The following CHAF1A variants were observed in gnomAD, a reference collection of about 807,000 sequenced individuals.
CHAF1A encodes the protein chromatin assembly factor 1 subunit A.
CHAF1A carries 5 observed loss-of-function variants against 93.2 expected under a neutral mutation model. The ratio of observed to expected loss-of-function variants is 0.05; its 90% CI spans 0.03 to 0.11. CHAF1A has a LOEUF of 0.11. CHAF1A is among the 10% of genes least tolerant of loss of function. The pLI is 1.00. For synonymous variants in CHAF1A, 504 were observed against 510.3 expected, an observed-to-expected ratio of 0.99 and a Z score of 0.17; for missense variants, 1,102 against 1,259.9, an observed-to-expected ratio of 0.87 and a Z score of 1.90.
chr19:4,429,649 T>C, intron 9 of CHAF1A, 43 bp downstream of exon 9: 1 of 1,614,040 alleles, frequency 6.2e-7, no homozygotes, highest in African/African-American at 1.3e-5. Flanking sequence ...ACCTCCTCAC[T>C]GTGCCCCTTT....
chr19:4,437,589 C>T (rs1418558770), intron 13 of CHAF1A, among the ~76,000 whole-genome samples: 1 of 152,072 alleles, frequency 6.6e-6, no homozygotes, highest in African/African-American at 2.4e-5. Context: ...TCTAGCGATC[C>T]TCTCTCCAGC....
At chr19:4,440,371 G>A (rs552686342) in intron 13 of CHAF1A, among the ~76,000 whole-genome samples, 7 of 151,704 alleles carry the variant, frequency 4.6e-5, no homozygotes, top group Admixed American at 4.6e-4. Context: ...ACTTTAGGAG[G>A]CCGAGGTGGA....
intron 14 of CHAF1A, among the ~76,000 whole-genome samples, chr19:4,442,609 G>A (rs962197077): frequency 2.0e-5 from 3 of 152,250 alleles, no homozygotes; most frequent in African/African-American, 7.2e-5. Context: ...GTCAGGGAAG[G>A]CTGCACTGAG....
chr19:4,426,167 CTTT>C (rs57040531), intron 7 of CHAF1A, among the ~76,000 whole-genome samples: 16 of 95,596 alleles, frequency 1.7e-4, no homozygotes, highest in African/African-American at 2.2e-4. Flanking sequence ...TGTTTACAGT[CTTT>C]TTTTTTTTTT....
At chr19:4,448,309 C>A, downstream of CHAF1A, 1 of 1,598,076 alleles carries the variant, frequency 6.3e-7, no homozygotes, top group Non-Finnish European at 8.5e-7. Flanking sequence ...AAAGGGGCCA[C>A]ACGCTCACTT....
intron 11 of CHAF1A, 69 bp downstream of exon 11, chr19:4,430,710 G>T: frequency 1.3e-6 from 2 of 1,547,562 alleles, no homozygotes; most frequent in South Asian, 2.2e-5. Flanking sequence ...TCAGTGGCCT[G>T]ACCTGGGAGG....
intron 13 of CHAF1A, among the ~76,000 whole-genome samples, chr19:4,434,346 T>C (rs1156955744): frequency 6.6e-6 from 1 of 152,160 alleles, no homozygotes; most frequent in Non-Finnish European, 1.5e-5. Context: ...ACCCTGTCTC[T>C]AAAAATAAAT....
chr19:4,429,468 C>A lies in CHAF1A; in HGVS notation c.1635C>A (p.Gly545=), dbSNP rs761379858. The change falls in exon 9 of 15, where the codon GGC becomes GGA. Residue 545 remains glycine, a synonymous_variant. Coordinates refer to ENST00000301280, the MANE Select transcript of CHAF1A (RefSeq NM_005483.3). ...TCGTCATCGTGGAGCGTGGGAAGGGCGACGGTGTTCCCGAGAGGAGGAAGT... is the reference window on the plus strand; with the variant it reads ...TCGTCATCGTGGAGCGTGGGAAGGGAGACGGTGTTCCCGAGAGGAGGAAGT... ...SDVVIVERGK[G]DGVPERRKFG... is the part of the protein sequence containing the mutation. 3.1e-6 allele frequency: 5 copies of A among 1,613,814 alleles called. No individual in the cohort carries two copies. The highest frequency in any genetic ancestry group is 1.3e-5 in the African/African-American group (1 of 74,834).
intron 5 of CHAF1A, among the ~76,000 whole-genome samples, chr19:4,423,054 A>G (rs1269438196): frequency 6.6e-6 from 1 of 152,110 alleles, no homozygotes; most frequent in Non-Finnish European, 1.5e-5. Flanking sequence ...TTCCCAACCA[A>G]CTTAGGCATT....
downstream of CHAF1A, among the ~76,000 whole-genome samples, chr19:4,443,826 G>C (rs912835122): frequency 2.6e-5 from 4 of 152,188 alleles, no homozygotes; most frequent in African/African-American, 9.6e-5. Context: ...GTCCGAGGGA[G>C]GACAGGCGAC....
chr19:4,445,696 C>T (rs912401560), downstream of CHAF1A: 10 of 1,569,934 alleles, frequency 6.4e-6, no homozygotes, highest in Admixed American at 3.5e-5. Context: ...CAGCGGGCAA[C>T]CTGGGCGCGG....
rs1299776146 is a variant in CHAF1A, at chr19:4,405,896, A to G, written c.53-16A>G. The G allele has an allele frequency of 1.2e-6, 2 of 1,611,216 alleles. No individual in the cohort carries two copies. The highest frequency in any genetic ancestry group is 1.3e-5 in the African/African-American group (1 of 74,974). On this transcript the variant is annotated splice_polypyrimidine_tract_variant and intron_variant, in intron 1 of 14. Coordinates refer to ENST00000301280, the MANE Select transcript of CHAF1A (RefSeq NM_005483.3). ...GCAGAATTTAACAGTTTACCCTTTG[A>G]CACTTTTATTTGCAGCCATGGATTG...
chr19:4,425,513 C>G (rs1336089629), intron 7 of CHAF1A, among the ~76,000 whole-genome samples: 1 of 152,078 alleles, frequency 6.6e-6, no homozygotes, highest in East Asian at 1.9e-4. Context: ...CTCAGCCTCC[C>G]TAATTTTATT....
At chr19:4,446,287 C>T, downstream of CHAF1A, 3 of 1,571,862 alleles carry the variant, frequency 1.9e-6, no homozygotes, top group Admixed American at 1.8e-5. Context: ...GCCCACCCTG[C>T]AGGAGGCAGC....
intron 6 of CHAF1A, 80 bp downstream of exon 6, chr19:4,423,475 G>A (rs922502994): frequency 1.4e-5 from 22 of 1,606,422 alleles, no homozygotes; most frequent in East Asian, 2.2e-5. Context: ...TGCCACAGCC[G>A]TCACCTAATA....
chr19:4,415,750 T>C (rs1973886321), intron 3 of CHAF1A, among the ~76,000 whole-genome samples: 1 of 152,092 alleles, frequency 6.6e-6, no homozygotes, highest in South Asian at 2.1e-4. Flanking sequence ...GGCTCGGCCT[T>C]TCCCTAAAGA....
chr19:4,433,343 A>G lies in CHAF1A; in HGVS notation c.2477A>G (p.Gln826Arg), dbSNP rs1974224000. The G allele has an allele frequency of 6.2e-7, 1 of 1,613,506 alleles. No homozygotes were observed. The highest frequency in any genetic ancestry group is 1.1e-5 in the South Asian group (1 of 91,076). Residue 826 changes from glutamine (Q) to arginine (R), a missense_variant, in exon 13 of 15, where the codon CAG becomes CGG. Coordinates refer to ENST00000301280, the MANE Select transcript of CHAF1A (RefSeq NM_005483.3). The surrounding 1 kb of genome is among the most constrained non-coding windows in gnomAD (Gnocchi z 5.6). ...MCWYVHPQVL[Q>R]SFQQEHLPVP... ...TGGTACGTGCACCCGCAGGTGCTAC[A>G]GAGCTTCCAGCAGGAGCACCTGCCC...
chr19:4,432,432 CAG>C (rs1974202566), intron 12 of CHAF1A, among the ~76,000 whole-genome samples: 1 of 152,086 alleles, frequency 6.6e-6, no homozygotes, highest in Admixed American at 6.5e-5. Flanking sequence ...GACACAGGCA[CAG>C]AGAGTGCTGG....
chr19:4,418,084 A>G lies in CHAF1A; in HGVS notation c.1017+8A>G. 1 of 1,585,020 alleles carries G rather than the reference A, an allele frequency of 6.3e-7. No individual in the cohort carries two copies. Among genetic ancestry groups the G allele is most frequent in the Non-Finnish European group, 8.6e-7 (1 of 1,163,094 alleles). On this transcript the variant is annotated splice_region_variant and intron_variant, in intron 4 of 14. Transcript: ENST00000301280. Reference sequence around the variant, plus strand: ...AAGCTCAGACTGCAAAGAGTAAGACATTTTCCCTGAAATAGAAAATTAACC... The same window carrying G: ...AAGCTCAGACTGCAAAGAGTAAGACGTTTTCCCTGAAATAGAAAATTAACC...
Sources: allele counts gnomAD v4.1 joint callset (sites outside exome capture counted in the v4.1 genomes callset), GRCh38; gene constraint gnomAD v4.1.1; non-coding constraint Gnocchi (gnomAD v3.1); transcripts MANE v1.5; gene names NCBI Gene and HGNC (gene_info 2026-07-23, HGNC 2026-07-21).